TONSL: variants seen among roughly 807,000 people sequenced by gnomAD.
TONSL encodes the protein tonsoku like, DNA repair protein.
A neutral mutation model predicts 147.1 loss-of-function variants in TONSL; 112 were observed. That is an observed-to-expected ratio of 0.76 (90% CI 0.65 to 0.89). The LOEUF (loss-of-function observed/expected upper bound fraction) is 0.89, where lower values mean the gene tolerates loss of function less well. TONSL is among the 40% of genes least tolerant of loss of function. The pLI is 0.00. For missense variants in TONSL, 1,883 were observed against 1,864.6 expected (o/e 1.01, Z -0.18); for synonymous variants, 868 against 801.5 (o/e 1.08, Z -1.40).
In TONSL at chr8:144,436,267, C is replaced by T. The variant is rs868306743; in HGVS notation, c.2166G>A (p.Gln722=). The T allele has an allele frequency of 1.3e-6, 2 of 1,527,500 alleles. No homozygotes were observed. The highest frequency in any genetic ancestry group is 1.4e-5 in the African/African-American group (1 of 73,270). 94.6% of individuals were successfully genotyped at this position (1,527,500 alleles called of 1,614,324 possible). ...GAGGCCTGGCCATGGCTGGTGCCGC[C>T]TGCCCTGGGGAGACCCTGACATGGG... ...SQAHVRVSPG[Q]AAPAMARPRR... is the part of the protein sequence containing the mutation. The change falls in exon 17 of 26, where the codon CAG becomes CAA. Residue 722 remains glutamine, a synonymous_variant. Coordinates refer to ENST00000409379, the MANE Select transcript of TONSL (RefSeq NM_013432.5).
At chr8:144,433,534 A>G in intron 22 of TONSL, 54 bp downstream of exon 22, 1 of 1,567,970 alleles carries the variant, frequency 6.4e-7, no homozygotes, top group African/African-American at 1.4e-5. Context: ...AAGTCCTGGA[A>G]ACCCTCAATG....
At chr8:144,430,937 G>A in intron 24 of TONSL, 141 bp downstream of exon 24, 2 of 960,264 alleles carry the variant, frequency 2.1e-6, no homozygotes, top group Non-Finnish European at 3.2e-6. Context: ...AGCCTGAGAG[G>A]CTGGTGGAAA....
At chr8:144,442,491 A>C in intron 5 of TONSL, 79 bp from the exon 6 acceptor site, 1 of 1,494,432 alleles carries the variant, frequency 6.7e-7, no homozygotes, top group Non-Finnish European at 8.9e-7. Context: ...CAGCCCTGCC[A>C]TGCTGTGGTC....
chr8:144,444,298 G>A, intron 1 of TONSL, 23 bp from the exon 2 acceptor site: 1 of 1,366,884 alleles, frequency 7.3e-7, no homozygotes, highest in South Asian at 1.6e-5. Flanking sequence ...GAGGAGGGCT[G>A]GGCCTCCGCG....
intron 21 of TONSL, 55 bp from the exon 22 acceptor site, chr8:144,433,814 C>T: frequency 6.6e-7 from 1 of 1,513,078 alleles, no homozygotes; most frequent in Non-Finnish European, 8.8e-7. Context: ...GACAGGGTCC[C>T]CCTTGGGGCT....
rs1586697268 is a variant in TONSL at position 144,442,404 on chromosome 8, T to C, written c.587A>G (p.His196Arg). The change falls in exon 6 of 26, where the codon CAC becomes CGC. Residue 196 changes from histidine (H) to arginine (R), a missense_variant. Transcript: ENST00000409379. Reference sequence around the variant, plus strand: ...GGCGCGGAATAGGTCCTCGTAAAGGTGGTTCTGCCTGCAGAGGGGTGACGA... The same window carrying C: ...GGCGCGGAATAGGTCCTCGTAAAGGCGGTTCTGCCTGCAGAGGGGTGACGA... ...RKSIFLAEQNHLYEDLFRARY... is the reference protein window; with the variant it reads ...RKSIFLAEQNRLYEDLFRARY... The C allele has an allele frequency of 6.5e-7, 1 of 1,541,326 alleles. No individual in the cohort carries two copies. Among genetic ancestry groups the C allele is most frequent in the African/African-American group, 1.4e-5 (1 of 72,906 alleles).
At position 144,440,836 on chromosome 8, in the gene TONSL, G is replaced by C. The variant is rs1168906469; in HGVS notation, c.1046C>G (p.Ala349Gly). 1 of 1,612,780 alleles carries C rather than the reference G, an allele frequency of 6.2e-7. No individual in the cohort carries two copies. Among genetic ancestry groups the C allele is most frequent in the Non-Finnish European group, 8.5e-7 (1 of 1,179,968 alleles). Residue 349 changes from alanine to glycine, a missense_variant, in exon 9 of 26, where the codon GCT (alanine) becomes GGT (glycine). By Grantham distance (60) the Ala-to-Gly change is moderately conservative. Coordinates refer to ENST00000409379, the MANE Select transcript of TONSL (RefSeq NM_013432.5). Reference protein sequence around the residue: ...RFAELLDRPGAERAIIHVSLA... With the variant: ...RFAELLDRPGGERAIIHVSLA... ...GGACACGTGGATGATGGCCCGCTCAGCACCCGGTCTGTCCAGCAGCTCAGC... is the reference window on the plus strand; with the variant it reads ...GGACACGTGGATGATGGCCCGCTCACCACCCGGTCTGTCCAGCAGCTCAGC...
rs748074286 is a variant in TONSL at position 144,435,582 on chromosome 8, G to A, written c.2776-32C>T. On this transcript the variant is annotated intron_variant, in intron 17 of 25. Transcript: ENST00000409379. ...GGTGAAGGCAGCAGGGCTGAGTCAG[G>A]AGCCACAGTGGGCTCCACCCTACAC... is the stretch of plus-strand genomic sequence containing the variant. 7 of 1,562,752 alleles carry A rather than the reference G, an allele frequency of 4.5e-6. No homozygotes were observed. In the South Asian group the frequency reaches 5.9e-5, roughly 13 times the overall value.
At position 144,435,508 on chromosome 8, in the gene TONSL, G is replaced by T; in HGVS notation, c.2818C>A (p.Gln940Lys). 1.3e-6 allele frequency: 2 copies of T among 1,549,636 alleles called. No homozygotes were observed. The highest frequency in any genetic ancestry group is 2.4e-5 in the South Asian group (2 of 83,924). ...ACAGGGATGAGGAAGAGATGATCCT[G>T]AACTTGAACTCGAACCCGGATGGGA... is the stretch of plus-strand genomic sequence containing the variant. The part of the protein sequence containing the change: ...PPPIRVRVQV[Q>K]DHLFLIPVPH... The change falls in exon 18 of 26, where the codon CAG (glutamine) becomes AAG (lysine). Residue 940 changes from glutamine to lysine, a missense_variant. Gln to Lys is a moderately conservative substitution (Grantham distance 53). Transcript: ENST00000409379.
intron 11 of TONSL, chr8:144,439,764 G>C (rs1438234911): frequency 1.9e-6 from 1 of 517,498 alleles, no homozygotes; most frequent in East Asian, 3.5e-5. Flanking sequence ...GATGGCACGT[G>C]CCTCTCTAAC....
At chr8:144,442,924 G>A in intron 4 of TONSL, 118 bp from the exon 5 acceptor site, 1 of 1,396,730 alleles carries the variant, frequency 7.2e-7, no homozygotes, top group Non-Finnish European at 9.5e-7. Context: ...CCCGAGGTGG[G>A]TGCAAGTGTC....
chr8:144,435,848 G>A lies in TONSL; in HGVS notation c.2585C>T (p.Thr862Ile), dbSNP rs1823427891. Residue 862 changes from threonine to isoleucine, a missense_variant, in exon 17 of 26, where the codon ACC becomes ATC. By Grantham distance (89) the Thr-to-Ile change is moderately conservative. Transcript: ENST00000409379. ...GCTCTCCTCACTGTCCGACCCAGAGGTACTACTGGGCCTGCGGTTGTCTCC... is the reference window on the plus strand; with the variant it reads ...GCTCTCCTCACTGTCCGACCCAGAGATACTACTGGGCCTGCGGTTGTCTCC... ...GTGDNRRPSS[T>I]SGSDSEESRP... is the part of the protein sequence containing the mutation. The A allele has an allele frequency of 6.2e-7, 1 of 1,610,310 alleles. No individual in the cohort carries two copies. The highest frequency in any genetic ancestry group is 1.7e-5 in the Admixed American group (1 of 59,918).
rs1554879309 is a variant in TONSL, at chr8:144,433,971, C to T, written c.3387+7G>A. 8 of 1,574,298 alleles carry T rather than the reference C, an allele frequency of 5.1e-6. No homozygotes were observed. The highest frequency in any genetic ancestry group is 6.9e-6 in the Non-Finnish European group (8 of 1,157,710). ...TGTTGAGGGCCTGCTGCTCTCTGTG[C>T]CTATACCTGCAAGGTGGCTTGGCCT... On this transcript the variant is annotated splice_region_variant and intron_variant, in intron 21 of 25. Coordinates refer to ENST00000409379, the MANE Select transcript of TONSL (RefSeq NM_013432.5).
At position 144,434,284 on chromosome 8, in the gene TONSL, G is replaced by A. The variant is rs371409579; in HGVS notation, c.3086-5C>T. The A allele has an allele frequency of 2.3e-5, 34 of 1,504,942 alleles. No individual in the cohort carries two copies. The African/African-American group carries it at 4.1e-4, about 18-fold the overall frequency. 93.2% of individuals were successfully genotyped at this position (1,504,942 alleles called of 1,614,324 possible). A position where few individuals can be genotyped will look rare whatever the true frequency, so the allele number is the denominator to read the frequency against. ...GCAGCACCTGTTGGTGCTCCCCTGCGGGAGGGATGTGATGTCACCAGGGTA... is the reference window on the plus strand; with the variant it reads ...GCAGCACCTGTTGGTGCTCCCCTGCAGGAGGGATGTGATGTCACCAGGGTA... On this transcript the variant is annotated splice_polypyrimidine_tract_variant and splice_region_variant and intron_variant, in intron 20 of 25. Transcript: ENST00000409379.
rs1823178818 is a variant in TONSL at position 144,431,303 on chromosome 8, TCA to T, written c.3736-154_3736-153del. ...AAGGAAACACCTCTCCTGATGTGGG[TCA>T]CACTCTGCACGTGATAGTGTGAAAA... On this transcript the variant is annotated intron_variant, in intron 23 of 25. Coordinates refer to ENST00000409379, the MANE Select transcript of TONSL (RefSeq NM_013432.5). The T allele has an allele frequency of 1.2e-5, 8 of 679,454 alleles. No individual in the cohort carries two copies. In the South Asian group the frequency reaches 1.4e-4, roughly 12 times the overall value. The allele number at this position is 679,454 out of a possible 1,614,324, so 42.1% of individuals were successfully genotyped here. A position where few individuals can be genotyped will look rare whatever the true frequency, so the allele number is the denominator to read the frequency against.
chr8:144,433,500 G>C, intron 22 of TONSL, 88 bp downstream of exon 22: 1 of 1,352,376 alleles, frequency 7.4e-7, no homozygotes, highest in Non-Finnish European at 1.0e-6. Context: ...TTGCCCCTGT[G>C]TGCCCAGCCT....
In TONSL at chr8:144,435,635, C is replaced by A. The variant is rs748908173; in HGVS notation, c.2775+23G>T. The A allele has an allele frequency of 3.8e-6, 6 of 1,587,828 alleles. No homozygotes were observed. In the South Asian group the frequency reaches 6.7e-5, roughly 18 times the overall value. On this transcript the variant is annotated intron_variant, in intron 17 of 25. Coordinates refer to ENST00000409379, the MANE Select transcript of TONSL (RefSeq NM_013432.5). ...GCCTGCCCGGAGTGGGGAGAGGGCT[C>A]TGCTCCAGGTCTGCATACCCACCAA...
chr8:144,434,975 C>T (rs772889913), intron 19 of TONSL, 42 bp downstream of exon 19: 17 of 1,610,930 alleles, frequency 1.1e-5, no homozygotes, highest in East Asian at 2.2e-5. Context: ...CGGGGGCTCC[C>T]GGTGCCTGAG....
At position 144,443,208 on chromosome 8, in the gene TONSL, C is replaced by T. The variant is rs901649702; in HGVS notation, c.378G>A (p.Ser126=). ...CCTGTGCCTGCAGCAAAGCATCCCT[C>T]GACTGGCAGTGGTCATAGATGTCCA... ...THLDIYDHCQ[S]RDALLQAQAA... The change falls in exon 4 of 26, where the codon TCG becomes TCA. Residue 126 remains serine (S), a synonymous_variant. Coordinates refer to ENST00000409379, the MANE Select transcript of TONSL (RefSeq NM_013432.5). 5 of 1,550,684 alleles carry T rather than the reference C, an allele frequency of 3.2e-6. No individual in the cohort carries two copies. In the South Asian group the frequency reaches 4.8e-5, roughly 15 times the overall value.
Sources: gnomAD v4.1 joint callset for allele counts on GRCh38, gnomAD v4.1.1 for gene constraint, MANE v1.5 for transcripts, NCBI Gene and HGNC (gene_info 2026-07-23, HGNC 2026-07-21) for gene names.